MBNL1: variants seen among roughly 807,000 people sequenced by gnomAD.
MBNL1 encodes the protein muscleblind-like protein 1.
In MBNL1, 8 loss-of-function variants were observed where a neutral mutation model predicts 42.2. The ratio of observed to expected loss-of-function variants is 0.19; its 90% CI spans 0.11 to 0.34. The LOEUF (loss-of-function observed/expected upper bound fraction) is 0.34, where lower values mean the gene tolerates loss of function less well. MBNL1 is among the 10% of genes least tolerant of loss of function. MBNL1 has a pLI of 1.00. For synonymous variants in MBNL1, 169 were observed against 173.9 expected (o/e 0.97, Z 0.22); for missense variants, 309 against 495.3 (o/e 0.62, Z 3.57).
chr3:152,358,516 A>G (rs911422935), intron 2 of MBNL1, among the ~76,000 whole-genome samples: 4 of 152,184 alleles, frequency 2.6e-5, no homozygotes, highest in Non-Finnish European at 4.4e-5. Context: ...ATCCAGTTCA[A>G]TTAGTTTTCC....
At chr3:152,404,779 A>G (rs2098380295) in intron 2 of MBNL1, among the ~76,000 whole-genome samples, 1 of 149,234 alleles carries the variant, frequency 6.7e-6, no homozygotes, top group Admixed American at 6.7e-5. Context: ...TCTAAATATA[A>G]TATATAACTA....
intron 2 of MBNL1, among the ~76,000 whole-genome samples, chr3:152,257,658 G>A (rs2035643476): frequency 6.6e-6 from 1 of 152,146 alleles, no homozygotes; most frequent in Non-Finnish European, 1.5e-5. Context: ...ATGAAGTCAG[G>A]AGACACATTT....
At chr3:152,332,737 T>TGCGC (rs1410406495) in intron 2 of MBNL1, among the ~76,000 whole-genome samples, 1,940 of 104,582 alleles carry the variant, frequency 0.019, 7 homozygotes, top group Middle Eastern at 0.06. Context: ...TGTGTGTGTG[T>TGCGC]GTGCGCGCGC....
chr3:152,367,445 C>T (rs750727607), intron 2 of MBNL1, among the ~76,000 whole-genome samples: 1 of 151,974 alleles, frequency 6.6e-6, no homozygotes, highest in Non-Finnish European at 1.5e-5. Flanking sequence ...GCATTTGGAT[C>T]GGTTCCAAGT....
At chr3:152,407,209 C>CTTT (rs60509782) in intron 2 of MBNL1, among the ~76,000 whole-genome samples, 4,501 of 54,028 alleles carry the variant, frequency 0.083, 544 homozygotes, top group Non-Finnish European at 0.13. Context: ...GAAATATGTT[C>CTTT]TTTTTTTTTT....
At chr3:152,384,847 T>C (rs1038294242) in intron 2 of MBNL1, among the ~76,000 whole-genome samples, 2 of 152,126 alleles carry the variant, frequency 1.3e-5, no homozygotes, top group African/African-American at 4.8e-5. Context: ...TTCCAAACTT[T>C]GTACCATTAG....
At chr3:152,310,423 C>T (rs1453892203) in intron 2 of MBNL1, among the ~76,000 whole-genome samples, 1 of 152,174 alleles carries the variant, frequency 6.6e-6, no homozygotes, top group African/African-American at 2.4e-5. Flanking sequence ...AGAGCCTATG[C>T]TTTTAGTCTT....
chr3:152,447,767 C>T lies in MBNL1; in HGVS notation c.955C>T (p.Pro319Ser). ...GTTACAACAGCATACAGCATTTCTC[C>T]CACCAGGTAAGGGGTGGGGTTTCTT... is the stretch of plus-strand genomic sequence containing the variant. Reference protein sequence around the residue: ...MQLQQHTAFLPPGSILCMTPA... With the variant: ...MQLQQHTAFLSPGSILCMTPA... Residue 319 changes from proline (P) to serine (S), a missense_variant, in exon 6 of 10, where the codon CCA becomes TCA. Physicochemically the swap from Pro to Ser is moderately conservative, Grantham distance 74. Transcript: ENST00000324210. The T allele has an allele frequency of 1.9e-6, 3 of 1,612,864 alleles. No individual in the cohort carries two copies. Among genetic ancestry groups the T allele is most frequent in the Non-Finnish European group, 2.5e-6 (3 of 1,179,170 alleles).
At chr3:152,455,625 T>G (rs1732135245) in intron 7 of MBNL1, 48 bp downstream of exon 7, 1 of 1,533,312 alleles carries the variant, frequency 6.5e-7, no homozygotes, top group Admixed American at 1.7e-5. Flanking sequence ...ATGGTGTACC[T>G]CACAGCCCCT....
At chr3:152,357,054 A>G (rs2095578187) in intron 2 of MBNL1, among the ~76,000 whole-genome samples, 1 of 152,106 alleles carries the variant, frequency 6.6e-6, no homozygotes, top group Non-Finnish European at 1.5e-5. Context: ...GTTGGTCTTC[A>G]CTTTACTCAT....
intron 2 of MBNL1, among the ~76,000 whole-genome samples, chr3:152,414,149 A>T (rs774114406): frequency 6.6e-6 from 1 of 152,234 alleles, no homozygotes; most frequent in Non-Finnish European, 1.5e-5. Context: ...AGGTACTAGA[A>T]TGAAGTGCTT....
At chr3:152,341,943 T>C (rs2093327417) in intron 2 of MBNL1, among the ~76,000 whole-genome samples, 1 of 152,188 alleles carries the variant, frequency 6.6e-6, no homozygotes, top group Non-Finnish European at 1.5e-5. Context: ...ATTAAAATGG[T>C]GTCTTTAGTT....
intron 3 of MBNL1, among the ~76,000 whole-genome samples, chr3:152,431,673 G>A (rs1023817036): frequency 1.3e-5 from 2 of 152,180 alleles, no homozygotes; most frequent in African/African-American, 2.4e-5. Context: ...AACAGCATCC[G>A]TTTTGCCTAC....
intron 4 of MBNL1, among the ~76,000 whole-genome samples, chr3:152,438,197 C>T (rs1416416345): frequency 6.6e-6 from 1 of 152,010 alleles, no homozygotes; most frequent in Non-Finnish European, 1.5e-5. Flanking sequence ...ATTTACTGAA[C>T]GATATTCAGT....
At chr3:152,250,678 G>A (rs1381837902) in intron 2 of MBNL1, among the ~76,000 whole-genome samples, 2 of 150,220 alleles carry the variant, frequency 1.3e-5, no homozygotes, top group African/African-American at 2.5e-5. Context: ...TGGTGAGAGA[G>A]GGCATCCCTG....
intron 2 of MBNL1, among the ~76,000 whole-genome samples, chr3:152,355,226 G>C (rs2095427281): frequency 6.6e-6 from 1 of 152,172 alleles, no homozygotes; most frequent in African/African-American, 2.4e-5. Context: ...CTTCTTACCA[G>C]CTTGACTTCA....
chr3:152,413,726 C>A (rs2098641707), intron 2 of MBNL1, among the ~76,000 whole-genome samples: 1 of 152,100 alleles, frequency 6.6e-6, no homozygotes, highest in African/African-American at 2.4e-5. Context: ...TTCAATTAAT[C>A]TTTCTTTTAT....
intron 2 of MBNL1, among the ~76,000 whole-genome samples, chr3:152,384,764 A>C (rs937022456): frequency 1.3e-5 from 2 of 152,140 alleles, no homozygotes; most frequent in African/African-American, 4.8e-5. Flanking sequence ...TTCTTGCCTG[A>C]TAAAACAGAC....
At chr3:152,248,234 G>A (rs2033618120) in intron 2 of MBNL1, among the ~76,000 whole-genome samples, 1 of 151,968 alleles carries the variant, frequency 6.6e-6, no homozygotes, top group African/African-American at 2.4e-5. Flanking sequence ...TGGAGGAGCA[G>A]CAAAAACATT....
Sources: gnomAD v4.1 joint callset for allele counts (sites outside exome capture counted in the v4.1 genomes callset) on GRCh38, gnomAD v4.1.1 for gene constraint, MANE v1.5 for transcripts, NCBI Gene and HGNC (gene_info 2026-07-23, HGNC 2026-07-21) for gene names.